The following BORCS5 variants were observed in gnomAD, a reference collection of about 807,000 sequenced individuals.
The protein encoded by BORCS5 is BLOC-1-related complex subunit 5.
Under a neutral mutation model 22.1 loss-of-function variants are expected in BORCS5, and 17 were observed. The observed-to-expected ratio is 0.77, with a 90% CI of 0.53 to 1.15. BORCS5 has a LOEUF of 1.15. BORCS5 is among the 50% of genes most tolerant of loss of function. The pLI is 0.00. For synonymous variants in BORCS5, 117 were observed against 99.8 expected (o/e 1.17, Z -1.03); for missense variants, 247 against 253.2 (o/e 0.98, Z 0.17).
intron 2 of BORCS5, among the ~76,000 whole-genome samples, chr12:12,418,524 A>G (rs1287996929): frequency 6.6e-6 from 1 of 152,100 alleles, no homozygotes; most frequent in African/African-American, 2.4e-5. Flanking sequence ...CATCTCTACA[A>G]AAAAATTTAA....
chr12:12,421,101 TGA>T (rs1415194410), intron 2 of BORCS5, among the ~76,000 whole-genome samples: 2 of 152,146 alleles, frequency 1.3e-5, no homozygotes, highest in African/African-American at 4.8e-5. Flanking sequence ...ATAGGAGTGG[TGA>T]GAGGGAGCAT....
At chr12:12,397,246 G>A (rs1212972787) in intron 2 of BORCS5, among the ~76,000 whole-genome samples, 1 of 152,038 alleles carries the variant, frequency 6.6e-6, no homozygotes, top group Non-Finnish European at 1.5e-5. Flanking sequence ...AGTATTTCTA[G>A]GTGCGTTGGA....
At chr12:12,388,145 CTTA>C (rs1863923553) in intron 2 of BORCS5, among the ~76,000 whole-genome samples, 1 of 151,324 alleles carries the variant, frequency 6.6e-6, no homozygotes, top group Non-Finnish European at 1.5e-5. Flanking sequence ...CAGTACCATG[CTTA>C]TTATGTATAT....
At position 12,467,183 on chromosome 12, in the gene BORCS5, A is replaced by AGTG. The variant is rs1379853903; in HGVS notation, c.*1410_*1412dup. The AGTG allele has an allele frequency of 2.0e-5, 3 of 152,256 alleles. No homozygotes were observed. The highest frequency in any genetic ancestry group is 7.2e-5 in the African/African-American group (3 of 41,470). 9.4% of individuals were successfully genotyped at this position (152,256 alleles called of 1,614,324 possible). A position where few individuals can be genotyped will look rare whatever the true frequency, so the allele number is the denominator to read the frequency against. The stretch of plus-strand genomic sequence containing the variant: ...ATTTCTTTCACCTAGATTGACAAAA[A>AGTG]GTGGTATATTTAAGACATCACCATC... On this transcript the variant is annotated 3_prime_UTR_variant, in exon 4 of 4. Coordinates refer to ENST00000314565, the MANE Select transcript of BORCS5 (RefSeq NM_058169.6).
At chr12:12,452,572 C>A (rs1400094815) in intron 3 of BORCS5, 1 of 343,474 alleles carries the variant, frequency 2.9e-6, no homozygotes, top group Admixed American at 4.0e-5. Flanking sequence ...GGCGATCCTT[C>A]CCCACCCACT....
chr12:12,416,152 C>T (rs981091809), intron 2 of BORCS5, among the ~76,000 whole-genome samples: 4 of 152,102 alleles, frequency 2.6e-5, no homozygotes, highest in Admixed American at 1.3e-4. Context: ...TTTTTATTCC[C>T]ATAGAATCGG....
chr12:12,400,696 A>C (rs1455347844), intron 2 of BORCS5, among the ~76,000 whole-genome samples: 4 of 151,924 alleles, frequency 2.6e-5, no homozygotes, highest in Non-Finnish European at 5.9e-5. Context: ...AGAAAAATAC[A>C]CGTTTCAAAT....
intron 2 of BORCS5, among the ~76,000 whole-genome samples, chr12:12,363,531 C>T (rs1171731097): frequency 1.3e-5 from 2 of 152,036 alleles, no homozygotes; most frequent in Non-Finnish European, 2.9e-5. Flanking sequence ...GTCAGGAGAT[C>T]GAGACCATCC....
intron 2 of BORCS5, among the ~76,000 whole-genome samples, chr12:12,388,808 C>T (rs1863937157): frequency 6.6e-6 from 1 of 151,182 alleles, no homozygotes; most frequent in Non-Finnish European, 1.5e-5. Flanking sequence ...TGAAACAGAA[C>T]ATCAAGGCAA....
chr12:12,421,227 A>C (rs1404028932), intron 2 of BORCS5, among the ~76,000 whole-genome samples: 1 of 152,152 alleles, frequency 6.6e-6, no homozygotes, highest in East Asian at 1.9e-4. Flanking sequence ...ACGTTCCATC[A>C]ATACCCAGTT....
intron 2 of BORCS5, among the ~76,000 whole-genome samples, chr12:12,423,928 G>A (rs558295969): frequency 5.6e-4 from 85 of 152,310 alleles, no homozygotes; most frequent in African/African-American, 2.0e-3. Context: ...GACCTCAAGT[G>A]ATCTGCCCAC....
intron 2 of BORCS5, among the ~76,000 whole-genome samples, chr12:12,407,665 T>C (rs536976849): frequency 1.5e-4 from 23 of 152,036 alleles, no homozygotes; most frequent in Non-Finnish European, 3.1e-4. Flanking sequence ...TGACAAACAT[T>C]ATTATTCTAC....
Position 12,417,957 on chromosome 12 carries a change from C to CTT in BORCS5, c.203-17663_203-17662dup, listed in dbSNP as rs61573003. The stretch of plus-strand genomic sequence containing the variant: ...ACACTTGATTTGAATATTTATAATT[C>CTT]TTTTTTTTTATCTTCTTGCTATATC... On this transcript the variant is annotated intron_variant, in intron 2 of 3. Coordinates refer to ENST00000314565, the MANE Select transcript of BORCS5 (RefSeq NM_058169.6). Among the ~76,000 whole-genome samples the CTT allele has an allele frequency of 3.3e-3, 497 of 148,844 alleles. 1 individual carries two copies. Among genetic ancestry groups the CTT allele is most frequent in the African/African-American group, 0.011 (438 of 40,774 alleles).
intron 2 of BORCS5, among the ~76,000 whole-genome samples, chr12:12,405,293 A>G (rs915970800): frequency 1.3e-5 from 2 of 152,238 alleles, no homozygotes; most frequent in Admixed American, 6.5e-5. Flanking sequence ...GAGGAAAATG[A>G]TATTTTAAAT....
chr12:12,389,207 G>A (rs1349140933), intron 2 of BORCS5, among the ~76,000 whole-genome samples: 1 of 139,386 alleles, frequency 7.2e-6, no homozygotes, highest in East Asian at 2.0e-4. Flanking sequence ...GTGCGATCTC[G>A]GCTTACTGCA....
At chr12:12,407,619 A>G (rs1015860499) in intron 2 of BORCS5, among the ~76,000 whole-genome samples, 1 of 152,032 alleles carries the variant, frequency 6.6e-6, no homozygotes, top group East Asian at 1.9e-4. Context: ...ATTGAAGTCT[A>G]TTAAATAGTA....
chr12:12,374,081 G>A (rs181178289), intron 2 of BORCS5, among the ~76,000 whole-genome samples: 147 of 144,006 alleles, frequency 1.0e-3, no homozygotes, highest in African/African-American at 3.7e-3. Context: ...TCTGCCTCCC[G>A]GGTTCACGCC....
intron 3 of BORCS5, among the ~76,000 whole-genome samples, chr12:12,456,111 A>T (rs1295617142): frequency 6.6e-6 from 1 of 152,166 alleles, no homozygotes; most frequent in Non-Finnish European, 1.5e-5. Context: ...AATTTGGAAA[A>T]TTTACCTTTA....
intron 2 of BORCS5, among the ~76,000 whole-genome samples, chr12:12,434,951 A>G (rs1942522865): frequency 6.6e-6 from 1 of 152,128 alleles, no homozygotes; most frequent in Non-Finnish European, 1.5e-5. Context: ...TCTTCAATTG[A>G]TTTCTTCTCC....
Sources: gnomAD v4.1 joint callset for allele counts (sites outside exome capture counted in the v4.1 genomes callset) on GRCh38, gnomAD v4.1.1 for gene constraint, MANE v1.5 for transcripts, NCBI Gene and HGNC (gene_info 2026-07-23, HGNC 2026-07-21) for gene names.